HMGN5: variants seen among roughly 807,000 people sequenced by gnomAD.
HMGN5 encodes high mobility group nucleosome-binding domain-containing protein 5.
HMGN5 carries 4 observed loss-of-function variants against 9.5 expected under a neutral mutation model. That is an observed-to-expected ratio of 0.42 (90% CI 0.21 to 0.96). The LOEUF (loss-of-function observed/expected upper bound fraction) is 0.96, where lower values mean the gene tolerates loss of function less well. Among genes scored for constraint, HMGN5 ranks in the 40% least tolerant of loss-of-function variants. The pLI is 0.30. For missense variants in HMGN5, 192 were observed against 187.5 expected, an observed-to-expected ratio of 1.02 and a Z score of -0.14; for synonymous variants, 55 against 57.1, an observed-to-expected ratio of 0.96 and a Z score of 0.16.
At chrX:81,161,895 CTTA>C (rs1170680008) in intron 1 of HMGN5, among the ~76,000 whole-genome samples, 1 of 109,460 alleles carries the variant, frequency 9.1e-6, no homozygotes, top group Non-Finnish European at 1.9e-5. Context: ...AGGTTTGACT[CTTA>C]TTATAAAGAA....
intron 1 of HMGN5, among the ~76,000 whole-genome samples, chrX:81,179,179 A>G (rs771733295): frequency 4.5e-5 from 5 of 111,942 alleles, no homozygotes; most frequent in African/African-American, 1.6e-4. Context: ...CCTATTCAAC[A>G]TAGTGTTGGA....
rs184560747 is a variant in HMGN5 at position 81,188,409 on chromosome X, G to A, written c.-124+13328C>T. On this transcript the variant is annotated intron_variant, in intron 1 of 6. Coordinates refer to ENST00000358130, the MANE Select transcript of HMGN5 (RefSeq NM_030763.3). ...CTCCCAAATTGCTGGGATTACAAGCGTGAGCCATTGTGCCCAGCCAAATGT... is the reference window on the plus strand; with the variant it reads ...CTCCCAAATTGCTGGGATTACAAGCATGAGCCATTGTGCCCAGCCAAATGT... 2.1e-3 allele frequency among the ~76,000 whole-genome samples: 225 copies of A among 109,376 alleles called. 1 individual carries two copies. Among genetic ancestry groups the A allele is most frequent in the African/African-American group, 7.2e-3 (217 of 30,106 alleles). The allele number at this position is 109,376 out of a possible 115,157, so 95.0% of individuals were successfully genotyped here. A position where few individuals can be genotyped will look rare whatever the true frequency, so the allele number is the denominator to read the frequency against.
intron 1 of HMGN5, among the ~76,000 whole-genome samples, chrX:81,139,699 A>C (rs975136104): frequency 6.3e-5 from 7 of 111,633 alleles, no homozygotes; most frequent in African/African-American, 2.0e-4. Flanking sequence ...GGAAGAGTAC[A>C]GCAACAGTGA....
intron 1 of HMGN5, among the ~76,000 whole-genome samples, chrX:81,164,185 G>A (rs2147629325): frequency 8.9e-6 from 1 of 111,895 alleles, no homozygotes; most frequent in East Asian, 2.8e-4. Flanking sequence ...TTAAAGTGCT[G>A]AGAATGTCAA....
At chrX:81,150,941 C>A (rs1260087577) in intron 1 of HMGN5, among the ~76,000 whole-genome samples, 1 of 111,753 alleles carries the variant, frequency 8.9e-6, no homozygotes, top group Non-Finnish European at 1.9e-5. Context: ...AAACCCTGAA[C>A]AGAACAACAA....
chrX:81,119,417 AAC>A (rs1240998509), intron 3 of HMGN5, among the ~76,000 whole-genome samples: 2 of 111,846 alleles, frequency 1.8e-5, no homozygotes, highest in African/African-American at 3.2e-5. Flanking sequence ...CACATATGTG[AAC>A]AGTCATTTAG....
intron 1 of HMGN5, among the ~76,000 whole-genome samples, chrX:81,177,952 T>A (rs1344454779): frequency 8.9e-6 from 1 of 112,028 alleles, no homozygotes; most frequent in Non-Finnish European, 1.9e-5. Context: ...AACAACTTGC[T>A]CCTGAGTGAC....
At chrX:81,134,455 T>C (rs1242062838) in intron 1 of HMGN5, among the ~76,000 whole-genome samples, 1 of 111,526 alleles carries the variant, frequency 9.0e-6, no homozygotes, top group African/African-American at 3.2e-5. Flanking sequence ...TGAACTCATT[T>C]AAAGTGTACA....
At chrX:81,135,413 A>T (rs2075308514) in intron 1 of HMGN5, among the ~76,000 whole-genome samples, 1 of 111,805 alleles carries the variant, frequency 8.9e-6, no homozygotes, top group Non-Finnish European at 1.9e-5. Flanking sequence ...TATAGGCATT[A>T]TTTATTATAG....
rs397896203 is a variant in HMGN5, at chrX:81,170,053, CAA to C, written c.-124+31682_-124+31683del. 1.0e-2 allele frequency among the ~76,000 whole-genome samples: 347 copies of C among 34,782 alleles called. 3 individuals are homozygous for C. Among genetic ancestry groups the C allele is most frequent in the African/African-American group, 0.028 (314 of 11,235 alleles). 30.2% of individuals were successfully genotyped at this position (34,782 alleles called of 115,157 possible). On this transcript the variant is annotated intron_variant, in intron 1 of 6. Coordinates refer to ENST00000358130, the MANE Select transcript of HMGN5 (RefSeq NM_030763.3). ...TGGGAGACAGAGTGAGACCCCGTCT[CAA>C]AAAAAAAAAAAAAAAAAACCATGGA... is the stretch of plus-strand genomic sequence containing the variant.
At chrX:81,118,304 A>C (rs1436598241) in intron 5 of HMGN5, 128 bp downstream of exon 5, 1 of 392,639 alleles carries the variant, frequency 2.5e-6, no homozygotes, top group African/African-American at 2.7e-5. Flanking sequence ...GTATCATATG[A>C]TAGAATATAA....
At chrX:81,179,735 G>C (rs980170012) in intron 1 of HMGN5, among the ~76,000 whole-genome samples, 1 of 111,604 alleles carries the variant, frequency 9.0e-6, no homozygotes, top group African/African-American at 3.3e-5. Flanking sequence ...AAAAGAGCAC[G>C]CATTGCCCAG....
At chrX:81,156,855 G>A (rs189501409) in intron 1 of HMGN5, among the ~76,000 whole-genome samples, 14,297 of 110,183 alleles carry the variant, frequency 0.13, 997 homozygotes, top group African/African-American at 0.26. Flanking sequence ...GATTGATAAA[G>A]CAGGCACCCC....
In HMGN5 at chrX:81,119,672, A is replaced by G. The variant is rs1205636653; in HGVS notation, c.45+116T>C. 2.6e-5 allele frequency: 15 copies of G among 575,288 alleles called. No individual in the cohort carries two copies. The African/African-American group carries it at 3.4e-4, about 13-fold the overall frequency. 47.4% of individuals were successfully genotyped at this position (575,288 alleles called of 1,213,427 possible). A position where few individuals can be genotyped will look rare whatever the true frequency, so the allele number is the denominator to read the frequency against. On this transcript the variant is annotated intron_variant, in intron 3 of 6. Coordinates refer to ENST00000358130, the MANE Select transcript of HMGN5 (RefSeq NM_030763.3). ...TTTTGAGAGATCCCACTGGTATACC[A>G]TATTGGAACTCATATTGTACAAATA...
intron 1 of HMGN5, among the ~76,000 whole-genome samples, chrX:81,187,882 G>T (rs2075481750): frequency 9.1e-6 from 1 of 110,049 alleles, no homozygotes; most frequent in Admixed American, 9.7e-5. Context: ...TTGATTTGAG[G>T]TTACCATGAG....
chrX:81,142,883 A>T (rs1355496231), intron 1 of HMGN5, among the ~76,000 whole-genome samples: 1 of 112,043 alleles, frequency 8.9e-6, no homozygotes, highest in Non-Finnish European at 1.9e-5. Context: ...GAAAGACTAA[A>T]TGATGAATCA....
intron 1 of HMGN5, among the ~76,000 whole-genome samples, chrX:81,131,713 C>T (rs753292250): frequency 9.0e-6 from 1 of 111,078 alleles, no homozygotes; most frequent in East Asian, 2.8e-4. Flanking sequence ...ATGAACTTAC[C>T]TCAAAGAATA....
At chrX:81,168,537 A>G (rs1602575506) in intron 1 of HMGN5, among the ~76,000 whole-genome samples, 1 of 111,655 alleles carries the variant, frequency 9.0e-6, no homozygotes, top group East Asian at 2.8e-4. Flanking sequence ...CTACACCTGG[A>G]AATTCCCAGA....
intron 1 of HMGN5, among the ~76,000 whole-genome samples, chrX:81,161,561 G>C (rs2075397743): frequency 9.0e-6 from 1 of 111,076 alleles, no homozygotes; most frequent in African/African-American, 3.3e-5. Context: ...TGTAAGTAGA[G>C]TGCTGTTATA....
Sources: gnomAD v4.1 joint callset for allele counts (sites outside exome capture counted in the v4.1 genomes callset) on GRCh38, gnomAD v4.1.1 for gene constraint, MANE v1.5 for transcripts, NCBI Gene and HGNC (gene_info 2026-07-23, HGNC 2026-07-21) for gene names.